BBS9: variants seen among roughly 807,000 people sequenced by gnomAD.
BBS9 encodes Bardet-Biedl syndrome 9.
In BBS9, 89 loss-of-function variants were observed where a neutral mutation model predicts 117.7. That is an observed-to-expected ratio of 0.76 (90% CI 0.64 to 0.90). BBS9 has a LOEUF of 0.90. Among genes scored for constraint, BBS9 ranks in the 40% least tolerant of loss-of-function variants. The pLI is 0.00. For synonymous variants in BBS9, 379 were observed against 370.9 expected (o/e 1.02, Z -0.25); for missense variants, 982 against 1,042.2 (o/e 0.94, Z 0.80).
chr7:33,375,941 G>A (rs1470014772), intron 17 of BBS9, among the ~76,000 whole-genome samples: 1 of 151,806 alleles, frequency 6.6e-6, no homozygotes, highest in African/African-American at 2.4e-5. Context: ...TTCTGTATAT[G>A]TTGATGAAAA....
At chr7:33,173,051 T>A (rs1796836456) in intron 4 of BBS9, among the ~76,000 whole-genome samples, 2 of 152,330 alleles carry the variant, frequency 1.3e-5, no homozygotes, top group South Asian at 4.1e-4. Context: ...AGGCATATTT[T>A]AGTTCAATAG....
rs59155737 is a variant in BBS9, at chr7:33,571,016, G to A, written c.2522-33849G>A. Among the ~76,000 whole-genome samples, 893 of 152,240 alleles carry A rather than the reference G, an allele frequency of 5.9e-3. 9 individuals are homozygous for A. Among genetic ancestry groups the A allele is most frequent in the African/African-American group, 0.021 (858 of 41,550 alleles). ...ATTAGTGGAAAAACTGGTGAAATTT[G>A]AATAAAGTCTGTCAGCTAACTAGCT... is the stretch of plus-strand genomic sequence containing the variant. On this transcript the variant is annotated intron_variant, in intron 21 of 22. Transcript: ENST00000242067.
chr7:33,374,879 C>T (rs1023150509), intron 17 of BBS9, among the ~76,000 whole-genome samples: 3 of 125,162 alleles, frequency 2.4e-5, no homozygotes, highest in East Asian at 2.2e-4. Flanking sequence ...CCAGCCTGGG[C>T]GACAAGAGTG....
At chr7:33,543,000 T>C (rs955484240) in intron 21 of BBS9, among the ~76,000 whole-genome samples, 1 of 152,310 alleles carries the variant, frequency 6.6e-6, no homozygotes, top group East Asian at 1.9e-4. Flanking sequence ...CTGGATCAAA[T>C]GGTAGTTCTA....
intron 9 of BBS9, among the ~76,000 whole-genome samples, chr7:33,312,501 T>C (rs1809485619): frequency 1.3e-5 from 2 of 152,170 alleles, no homozygotes; most frequent in Admixed American, 6.5e-5. Context: ...ACTGAGAAAA[T>C]ATATTGATTT....
At chr7:33,502,481 T>C (rs1030341494) in intron 19 of BBS9, among the ~76,000 whole-genome samples, 1 of 152,154 alleles carries the variant, frequency 6.6e-6, no homozygotes, top group African/African-American at 2.4e-5. Flanking sequence ...AACTAGATAA[T>C]AGTAGGAAGT....
intron 4 of BBS9, among the ~76,000 whole-genome samples, chr7:33,170,395 T>G (rs1168939452): frequency 1.0e-4 from 15 of 148,744 alleles, no homozygotes; most frequent in African/African-American, 3.7e-4. Flanking sequence ...TTTGACAAAA[T>G]TCAACAACCC....
chr7:33,160,982 T>G (rs1293579369), intron 4 of BBS9, among the ~76,000 whole-genome samples: 1 of 152,148 alleles, frequency 6.6e-6, no homozygotes, highest in Non-Finnish European at 1.5e-5. Flanking sequence ...GAATGAAATC[T>G]TTCTATAAAT....
intron 5 of BBS9, among the ~76,000 whole-genome samples, chr7:33,228,309 T>A (rs1275155614): frequency 6.6e-6 from 1 of 152,110 alleles, no homozygotes; most frequent in Non-Finnish European, 1.5e-5. Context: ...TCGTTTGCCC[T>A]TAAATCCTTC....
intron 21 of BBS9, among the ~76,000 whole-genome samples, chr7:33,599,095 T>A (rs1269961082): frequency 6.6e-6 from 1 of 152,154 alleles, no homozygotes; most frequent in Non-Finnish European, 1.5e-5. Context: ...AACCCCCTGG[T>A]TTAGGCTATT....
At chr7:33,430,786 G>A (rs542758297) in intron 19 of BBS9, among the ~76,000 whole-genome samples, 2 of 152,278 alleles carry the variant, frequency 1.3e-5, no homozygotes, top group East Asian at 3.9e-4. Flanking sequence ...AAGAAATAGG[G>A]CATGTCTGCC....
chr7:33,380,942 T>G (rs2128743250), intron 17 of BBS9: 1 of 152,134 alleles, frequency 6.6e-6, no homozygotes, highest in South Asian at 2.1e-4. Flanking sequence ...CACATAAAAA[T>G]AAGGATCCTG....
chr7:33,210,939 A>C (rs1229408886), intron 5 of BBS9, among the ~76,000 whole-genome samples: 1 of 152,022 alleles, frequency 6.6e-6, no homozygotes, highest in East Asian at 1.9e-4. Context: ...TTTGTCTCTT[A>C]TTACAGTTTT....
At chr7:33,534,905 G>A (rs1320920690) in intron 21 of BBS9, among the ~76,000 whole-genome samples, 1 of 152,178 alleles carries the variant, frequency 6.6e-6, no homozygotes, top group Non-Finnish European at 1.5e-5. Context: ...AGCAGCTATA[G>A]CATCTCTTTC....
At chr7:33,573,699 G>C (rs2129143037) in intron 21 of BBS9, among the ~76,000 whole-genome samples, 1 of 152,172 alleles carries the variant, frequency 6.6e-6, no homozygotes, top group East Asian at 1.9e-4. Context: ...TTTATCAAAG[G>C]CGCTCACTAG....
chr7:33,612,012 C>T (rs1177355567), intron 21 of BBS9, among the ~76,000 whole-genome samples: 1 of 151,174 alleles, frequency 6.6e-6, no homozygotes, highest in African/African-American at 2.4e-5. Flanking sequence ...TCATTGGTCC[C>T]TACAGTGGCA....
chr7:33,531,427 G>C (rs1850561890), intron 20 of BBS9, among the ~76,000 whole-genome samples: 1 of 152,128 alleles, frequency 6.6e-6, no homozygotes, highest in Non-Finnish European at 1.5e-5. Context: ...CTAGAAAAAA[G>C]GAGGGAGGGC....
At chr7:33,241,361 T>C (rs899894547) in intron 5 of BBS9, among the ~76,000 whole-genome samples, 2 of 152,204 alleles carry the variant, frequency 1.3e-5, no homozygotes, top group Non-Finnish European at 2.9e-5. Flanking sequence ...AGACATTCTC[T>C]GTGCTTCTGC....
Position 33,368,577 on chromosome 7 carries a change from TACACAC to T in BBS9, c.1789+750_1789+755del, listed in dbSNP as rs201655079. Among the ~76,000 whole-genome samples the T allele has an allele frequency of 5.1e-3, 654 of 128,462 alleles. 5 individuals carry two copies. The highest frequency in any genetic ancestry group is 0.017 in the African/African-American group (616 of 36,174). 84.3% of individuals were successfully genotyped at this position (128,462 alleles called of 152,430 possible). ...ACGAATCTGTATTGAGAGAAAAAAG[TACACAC>T]ACACACACACACACACACACACACA... On this transcript the variant is annotated intron_variant, in intron 17 of 22. Coordinates refer to ENST00000242067, the MANE Select transcript of BBS9 (RefSeq NM_198428.3).
Sources: gnomAD v4.1 joint callset for allele counts (sites outside exome capture counted in the v4.1 genomes callset) on GRCh38, gnomAD v4.1.1 for gene constraint, MANE v1.5 for transcripts, NCBI Gene and HGNC (gene_info 2026-07-23, HGNC 2026-07-21) for gene names.